The following MYO1D variants were observed in gnomAD, a reference collection of about 807,000 sequenced individuals.
MYO1D encodes the protein unconventional myosin-Id.
MYO1D carries 83 observed loss-of-function variants against 122.0 expected under a neutral mutation model. That is an observed-to-expected ratio of 0.68 (90% CI 0.57 to 0.82). The LOEUF (loss-of-function observed/expected upper bound fraction) is 0.82, where lower values mean the gene tolerates loss of function less well. MYO1D is among the 40% of genes least tolerant of loss of function. The pLI is 0.00. For synonymous variants in MYO1D, 464 were observed against 446.9 expected (o/e 1.04, Z -0.48); for missense variants, 1,157 against 1,269.5 (o/e 0.91, Z 1.35).
At chr17:32,725,230 TGAA>T (rs2089557846) in intron 14 of MYO1D, among the ~76,000 whole-genome samples, 1 of 151,902 alleles carries the variant, frequency 6.6e-6, no homozygotes, top group African/African-American at 2.4e-5. Flanking sequence ...TAGAAGTAGG[TGAA>T]GAAGGCCAGG....
intron 1 of MYO1D, among the ~76,000 whole-genome samples, chr17:32,846,926 G>A (rs1489561166): frequency 6.6e-6 from 1 of 152,164 alleles, no homozygotes; most frequent in Non-Finnish European, 1.5e-5. Context: ...GATTGAGGCT[G>A]CAGTAAGCTA....
chr17:32,595,621 C>T (rs1325400676), intron 21 of MYO1D, among the ~76,000 whole-genome samples: 1 of 152,116 alleles, frequency 6.6e-6, no homozygotes, highest in African/African-American at 2.4e-5. Flanking sequence ...CACCCTACCG[C>T]GAGTGGGGCC....
In MYO1D at chr17:32,784,093, C is replaced by A. The variant is rs190104563; in HGVS notation, c.96-3309G>T. Reference sequence around the variant, plus strand: ...TAGTGACAAAGATTATCCCAATAAACCACCTTCAGTGAGGAACACTAAGAG... The same window carrying A: ...TAGTGACAAAGATTATCCCAATAAAACACCTTCAGTGAGGAACACTAAGAG... On this transcript the variant is annotated intron_variant, in intron 1 of 21. Coordinates refer to ENST00000318217, the MANE Select transcript of MYO1D (RefSeq NM_015194.3). 4.1e-4 allele frequency among the ~76,000 whole-genome samples: 62 copies of A among 152,264 alleles called. 1 individual carries two copies. Among genetic ancestry groups the A allele is most frequent in the East Asian group, 3.1e-3 (16 of 5,188 alleles).
At chr17:32,665,930 G>C (rs1273110496) in intron 16 of MYO1D, among the ~76,000 whole-genome samples, 3 of 152,050 alleles carry the variant, frequency 2.0e-5, no homozygotes, top group African/African-American at 4.8e-5. Context: ...GTGGTGGGGG[G>C]AATCTTACTC....
At chr17:32,849,806 AG>A (rs2090970655) in intron 1 of MYO1D, among the ~76,000 whole-genome samples, 1 of 38,666 alleles carries the variant, frequency 2.6e-5, no homozygotes, top group African/African-American at 7.0e-5. Flanking sequence ...TAAAACTTAA[AG>A]TATAATAAAA....
chr17:32,761,744 C>A (rs2090004146), intron 8 of MYO1D, among the ~76,000 whole-genome samples: 1 of 152,172 alleles, frequency 6.6e-6, no homozygotes, highest in Admixed American at 6.5e-5. Flanking sequence ...GACACTGACT[C>A]TTCAATGGCT....
chr17:32,522,718 C>CT (rs1367186202), intron 21 of MYO1D, among the ~76,000 whole-genome samples: 1 of 151,958 alleles, frequency 6.6e-6, no homozygotes. Flanking sequence ...ACACAGCCAG[C>CT]TTTTGCTCAT....
chr17:32,526,868 A>T (rs984975770), intron 21 of MYO1D, among the ~76,000 whole-genome samples: 2 of 152,182 alleles, frequency 1.3e-5, no homozygotes, highest in East Asian at 1.9e-4. Flanking sequence ...CAACCATGAA[A>T]CATCTTCCAT....
intron 14 of MYO1D, among the ~76,000 whole-genome samples, chr17:32,726,189 T>A (rs914778541): frequency 2.6e-5 from 4 of 151,996 alleles, no homozygotes; most frequent in Admixed American, 1.3e-4. Flanking sequence ...GAGGCCAAGG[T>A]GGGCAGATAA....
chr17:32,587,473 C>T (rs565533151), intron 21 of MYO1D, among the ~76,000 whole-genome samples: 1 of 149,268 alleles, frequency 6.7e-6, no homozygotes, highest in South Asian at 2.1e-4. Context: ...GATCGTGCCA[C>T]TGCACTCCAG....
At chr17:32,585,723 G>A (rs1398220598) in intron 21 of MYO1D, among the ~76,000 whole-genome samples, 3 of 139,970 alleles carry the variant, frequency 2.1e-5, no homozygotes, top group South Asian at 4.5e-4. Context: ...GGGCAACAGA[G>A]CAAGAATCCG....
intron 14 of MYO1D, among the ~76,000 whole-genome samples, chr17:32,729,711 T>C (rs2089615215): frequency 6.6e-6 from 1 of 152,196 alleles, no homozygotes; most frequent in African/African-American, 2.4e-5. Context: ...AGGCTGAACA[T>C]AGCTTCTGGC....
chr17:32,713,091 T>G (rs1407337005), intron 15 of MYO1D, among the ~76,000 whole-genome samples: 1 of 152,240 alleles, frequency 6.6e-6, no homozygotes, highest in African/African-American at 2.4e-5. Context: ...ATATTACATC[T>G]AAATTTTAAG....
At chr17:32,839,527 A>T (rs1256370654) in intron 1 of MYO1D, among the ~76,000 whole-genome samples, 1 of 152,176 alleles carries the variant, frequency 6.6e-6, no homozygotes, top group Non-Finnish European at 1.5e-5. Context: ...ATAGTGCAGT[A>T]AGGCTGTGAA....
intron 1 of MYO1D, among the ~76,000 whole-genome samples, chr17:32,811,954 A>G (rs1257222230): frequency 2.6e-5 from 4 of 152,214 alleles, no homozygotes; most frequent in African/African-American, 7.2e-5. Flanking sequence ...CCTTGAAAAC[A>G]TAACTGAGCA....
At chr17:32,712,262 A>C in intron 15 of MYO1D, 67 bp from the exon 16 acceptor site, 1 of 1,408,412 alleles carries the variant, frequency 7.1e-7, no homozygotes. Flanking sequence ...AAAACTATTC[A>C]ATAAAATGCA....
At chr17:32,849,730 G>A (rs559534617) in intron 1 of MYO1D, among the ~76,000 whole-genome samples, 122 of 152,114 alleles carry the variant, frequency 8.0e-4, no homozygotes, top group African/African-American at 2.8e-3. Flanking sequence ...GAGTTAGTGG[G>A]TGCAGCACGC....
chr17:32,673,250 C>T (rs1205755319), intron 16 of MYO1D, among the ~76,000 whole-genome samples: 10 of 151,444 alleles, frequency 6.6e-5, no homozygotes, highest in Admixed American at 2.6e-4. Context: ...ATTACAAGCA[C>T]GTGCTACCAC....
At chr17:32,710,874 A>T (rs540882395) in intron 16 of MYO1D, among the ~76,000 whole-genome samples, 1 of 152,312 alleles carries the variant, frequency 6.6e-6, no homozygotes, top group African/African-American at 2.4e-5. Context: ...ACAATGAGAT[A>T]TCATTCTATC....
Sources: allele counts gnomAD v4.1 joint callset (sites outside exome capture counted in the v4.1 genomes callset), GRCh38; gene constraint gnomAD v4.1.1; transcripts MANE v1.5; gene names NCBI Gene and HGNC (gene_info 2026-07-23, HGNC 2026-07-21).